DIXDC1: variants seen among roughly 807,000 people sequenced by gnomAD.
DIXDC1 encodes the protein DIX domain containing 1, also known as dixin.
DIXDC1 carries 64 observed loss-of-function variants against 103.1 expected under a neutral mutation model. The observed-to-expected ratio is 0.62, with a 90% CI of 0.51 to 0.76. The LOEUF is 0.76. Among genes scored for constraint, DIXDC1 ranks in the 30% least tolerant of loss-of-function variants. The pLI, the probability that DIXDC1 is intolerant of heterozygous loss-of-function variation, is 0.00. For synonymous variants in DIXDC1, 266 were observed against 298.5 expected (o/e 0.89, Z 1.12); for missense variants, 759 against 834.2 (o/e 0.91, Z 1.11).
chr11:111,966,807 A>C (rs1859756514), intron 2 of DIXDC1, among the ~76,000 whole-genome samples: 1 of 152,080 alleles, frequency 6.6e-6, no homozygotes, highest in African/African-American at 2.4e-5. Context: ...CTTATTTCCT[A>C]TGCTTTCTTT....
chr11:111,938,514 T>G (rs188220145), intron 1 of DIXDC1, among the ~76,000 whole-genome samples: 2 of 152,244 alleles, frequency 1.3e-5, no homozygotes, highest in African/African-American at 4.8e-5. Context: ...CAGTTTTTAC[T>G]CAACATATGA....
At position 111,952,919 on chromosome 11, in the gene DIXDC1, G is replaced by A. The variant is rs1275151956; in HGVS notation, c.61-11630G>A. Among the ~76,000 whole-genome samples the A allele has an allele frequency of 3.9e-5, 6 of 152,048 alleles. No individual in the cohort carries two copies. In the East Asian group the frequency reaches 1.2e-3, roughly 29 times the overall value. ...ACTAGAGGATGGATTGAACTTGGGA[G>A]GTTGAGGCTGCAGTGAGCTGTGATC... On this transcript the variant is annotated intron_variant, in intron 1 of 19. Transcript: ENST00000440460.
Position 111,979,234 on chromosome 11 carries a change from C to T in DIXDC1, c.657-1503C>T, listed in dbSNP as rs78539612. Among the ~76,000 whole-genome samples the T allele has an allele frequency of 3.3e-3, 503 of 152,296 alleles. 2 individuals carry two copies. The highest frequency in any genetic ancestry group is 0.012 in the African/African-American group (490 of 41,554). On this transcript the variant is annotated intron_variant, in intron 5 of 19. Coordinates refer to ENST00000440460, the MANE Select transcript of DIXDC1 (RefSeq NM_001037954.4). ...CAGTGAGGAGGATGAGACACTAGTC[C>T]TCAGGCTGCCTCACTGCTTTTGACG...
In DIXDC1 at chr11:112,019,718, C is replaced by T. The variant is rs1861699348; in HGVS notation, c.*682C>T. 6.6e-6 allele frequency: 1 copy of T among 152,598 alleles called. No homozygotes were observed. The highest frequency in any genetic ancestry group is 2.4e-5 in the African/African-American group (1 of 41,426). 9.5% of individuals were successfully genotyped at this position (152,598 alleles called of 1,614,324 possible). A position where few individuals can be genotyped will look rare whatever the true frequency, so the allele number is the denominator to read the frequency against. On this transcript the variant is annotated 3_prime_UTR_variant, in exon 20 of 20. Coordinates refer to ENST00000440460, the MANE Select transcript of DIXDC1 (RefSeq NM_001037954.4). ...CTGGTTCTGCAGCTTGTCCTTTTGCCCACATAGGGCCTATTTCATGTACTG... is the reference window on the plus strand; with the variant it reads ...CTGGTTCTGCAGCTTGTCCTTTTGCTCACATAGGGCCTATTTCATGTACTG...
chr11:111,966,002 G>A (rs1050603561), intron 2 of DIXDC1, among the ~76,000 whole-genome samples: 1 of 152,142 alleles, frequency 6.6e-6, no homozygotes, highest in Non-Finnish European at 1.5e-5. Flanking sequence ...ACAAAAGGAT[G>A]TAAGATCAAA....
At chr11:111,948,818 CA>C (rs1326597063) in intron 1 of DIXDC1, among the ~76,000 whole-genome samples, 1 of 152,146 alleles carries the variant, frequency 6.6e-6, no homozygotes, top group Non-Finnish European at 1.5e-5. Flanking sequence ...CCCACCTCCG[CA>C]CTTCCCCACA....
chr11:111,950,438 A>ATATATATATATATATATT (rs1566474004), intron 1 of DIXDC1, among the ~76,000 whole-genome samples: 1 of 15,168 alleles, frequency 6.6e-5, no homozygotes, highest in African/African-American at 2.3e-4. Flanking sequence ...ATATATATAT[A>ATATATATATATATATATT]TTTTTTTTTT....
At chr11:111,955,341 A>G (rs1555170462) in intron 1 of DIXDC1, among the ~76,000 whole-genome samples, 1 of 127,702 alleles carries the variant, frequency 7.8e-6, no homozygotes, top group Non-Finnish European at 1.6e-5. Flanking sequence ...GACCCTGTCA[A>G]AAAAAAAAAA....
At chr11:111,995,133 G>T in intron 15 of DIXDC1, 25 bp downstream of exon 15, 1 of 1,606,742 alleles carries the variant, frequency 6.2e-7, no homozygotes. Flanking sequence ...TTTTGATGGA[G>T]TCCTGCCACT....
Position 111,998,894 on chromosome 11 carries a change from A to G in DIXDC1, c.1756+2748A>G, listed in dbSNP as rs1386463390. Among the ~76,000 whole-genome samples, 1 of 152,236 alleles carries G rather than the reference A, an allele frequency of 6.6e-6. No homozygotes were observed. Among genetic ancestry groups the G allele is most frequent in the African/African-American group, 2.4e-5 (1 of 41,464 alleles). Reference sequence around the variant, plus strand: ...TCTCTGTAGGTCCCAAGGCACTGTAAAGTCATGTCCAAAACTGGACACAAA... The same window carrying G: ...TCTCTGTAGGTCCCAAGGCACTGTAGAGTCATGTCCAAAACTGGACACAAA... On this transcript the variant is annotated intron_variant, in intron 17 of 19. Transcript: ENST00000440460. This position sits in a 1 kb window ranked among gnomAD's most constrained non-coding sequence, Gnocchi z 4.1.
At chr11:111,992,308 C>G in intron 10 of DIXDC1, 107 bp from the exon 11 acceptor site, 2 of 987,808 alleles carry the variant, frequency 2.0e-6, no homozygotes, top group Admixed American at 2.4e-5. Flanking sequence ...GTCTTCCAGT[C>G]TGCCATAACG....
chr11:111,937,209 A>C, upstream of DIXDC1: 3 of 1,075,386 alleles, frequency 2.8e-6, no homozygotes, highest in Non-Finnish European at 3.4e-6. Flanking sequence ...GCTTTCCCGC[A>C]GGAAAGCGGG....
upstream of DIXDC1, among the ~76,000 whole-genome samples, chr11:111,935,892 C>T (rs980481650): frequency 6.6e-6 from 1 of 152,194 alleles, no homozygotes; most frequent in Admixed American, 6.5e-5. Flanking sequence ...GCCCTCTGCC[C>T]CCTGCCTGTT....
chr11:111,975,821 T>C (rs1860079709), intron 5 of DIXDC1: 2 of 985,376 alleles, frequency 2.0e-6, no homozygotes, highest in Non-Finnish European at 1.2e-6. Context: ...TAAAACTCCA[T>C]CCTATTTTAA....
chr11:111,975,810 A>G, intron 5 of DIXDC1: 3 of 985,164 alleles, frequency 3.0e-6, no homozygotes, highest in Non-Finnish European at 3.6e-6. Flanking sequence ...TTTTTTTCTC[A>G]TAAAACTCCA....
At chr11:111,995,300 TG>T in intron 15 of DIXDC1, 102 bp from the exon 16 acceptor site, 1 of 1,497,040 alleles carries the variant, frequency 6.7e-7, no homozygotes, top group Non-Finnish European at 9.0e-7. Flanking sequence ...CCTGCTTCTG[TG>T]GGGGAAAAAT....
In DIXDC1 at chr11:111,986,860, C is replaced by T. The variant is rs1860508598; in HGVS notation, c.1009-11C>T. On this transcript the variant is annotated splice_polypyrimidine_tract_variant and intron_variant, in intron 8 of 19. Transcript: ENST00000440460. ...TAGGTGCTTAGCCATCTCTGTTTGT[C>T]TTATATTCAGATTATAATCCAAAGT... 2.6e-6 allele frequency: 4 copies of T among 1,562,300 alleles called. No homozygotes were observed. Among genetic ancestry groups the T allele is most frequent in the Non-Finnish European group, 2.6e-6 (3 of 1,152,224 alleles).
At chr11:112,012,433 A>G (rs972640705) in intron 17 of DIXDC1, among the ~76,000 whole-genome samples, 2 of 152,228 alleles carry the variant, frequency 1.3e-5, no homozygotes, top group Non-Finnish European at 2.9e-5. Context: ...ATTTTCTACA[A>G]TAGTGCAAAG....
At chr11:111,938,297 A>C (rs1001748282) in intron 1 of DIXDC1, among the ~76,000 whole-genome samples, 1 of 152,134 alleles carries the variant, frequency 6.6e-6, no homozygotes, top group Non-Finnish European at 1.5e-5. Flanking sequence ...GACCCAGGAA[A>C]TTCTGGTTTG....
Sources: allele counts gnomAD v4.1 joint callset (sites outside exome capture counted in the v4.1 genomes callset), GRCh38; gene constraint gnomAD v4.1.1; non-coding constraint Gnocchi (gnomAD v3.1); transcripts MANE v1.5; gene names NCBI Gene and HGNC (gene_info 2026-07-23, HGNC 2026-07-21).